The following GPBP1L1 variants were observed in gnomAD, a reference collection of about 807,000 sequenced individuals.
GPBP1L1 encodes the protein vasculin-like protein 1.
A neutral mutation model predicts 52.5 loss-of-function variants in GPBP1L1; 23 were observed. The observed-to-expected ratio is 0.44, with a 90% CI of 0.32 to 0.62. The LOEUF (loss-of-function observed/expected upper bound fraction) is 0.62. Ranked by LOEUF, GPBP1L1 falls within the 20% of genes least tolerant of loss-of-function variation. GPBP1L1 has a pLI of 0.06. For missense variants in GPBP1L1, 596 were observed against 579.3 expected, an observed-to-expected ratio of 1.03 and a Z score of -0.30; for synonymous variants, 243 against 203.1, an observed-to-expected ratio of 1.20 and a Z score of -1.67.
At chr1:45,670,689 C>G (rs1365869944) in intron 2 of GPBP1L1, among the ~76,000 whole-genome samples, 1 of 152,024 alleles carries the variant, frequency 6.6e-6, no homozygotes, top group Admixed American at 6.6e-5. Context: ...ATTTATACAG[C>G]CAGCTCTATC....
chr1:45,644,618 A>G (rs1276948207), intron 6 of GPBP1L1, among the ~76,000 whole-genome samples: 1 of 152,190 alleles, frequency 6.6e-6, no homozygotes, highest in African/African-American at 2.4e-5. Context: ...CTCCAAAAAC[A>G]ATCTCAGCTT....
chr1:45,683,691 CCT>C (rs1254194148), intron 2 of GPBP1L1, among the ~76,000 whole-genome samples: 18 of 148,326 alleles, frequency 1.2e-4, no homozygotes, highest in African/African-American at 4.5e-4. Flanking sequence ...TGCTTGAGTC[CCT>C]GAGTTCGAGA....
At chr1:45,638,738 G>A (rs1003263118) in intron 8 of GPBP1L1, among the ~76,000 whole-genome samples, 12 of 152,260 alleles carry the variant, frequency 7.9e-5, no homozygotes, top group Admixed American at 4.6e-4. Flanking sequence ...CCAGAAGTTC[G>A]AGACCAGCCT....
intron 8 of GPBP1L1, among the ~76,000 whole-genome samples, chr1:45,639,615 G>C (rs567306448): frequency 6.7e-6 from 1 of 150,128 alleles, no homozygotes; most frequent in Non-Finnish European, 1.5e-5. Flanking sequence ...GGCGGCTCAC[G>C]CCTGTAATCC....
intron 2 of GPBP1L1, among the ~76,000 whole-genome samples, chr1:45,662,789 C>T (rs556367414): frequency 3.9e-5 from 6 of 152,198 alleles, no homozygotes; most frequent in African/African-American, 1.2e-4. Flanking sequence ...CGGTGGCTCA[C>T]GCCTATAATC....
At chr1:45,659,004 T>C (rs771614020) in intron 4 of GPBP1L1, 24 bp downstream of exon 4, 1 of 1,483,918 alleles carries the variant, frequency 6.7e-7, no homozygotes, top group East Asian at 2.3e-5. Flanking sequence ...TTTGAGAAGT[T>C]ACTACAGGAA....
chr1:45,668,547 G>A (rs1645037571), intron 2 of GPBP1L1, among the ~76,000 whole-genome samples: 1 of 152,088 alleles, frequency 6.6e-6, no homozygotes, highest in Admixed American at 6.5e-5. Flanking sequence ...CTAGCTAGTT[G>A]GGCTGTTGAG....
intron 6 of GPBP1L1, chr1:45,651,632 T>C: frequency 1.5e-6 from 1 of 688,784 alleles, no homozygotes; most frequent in Non-Finnish European, 2.7e-6. Context: ...GATGGCTCTC[T>C]GCTGCTGCAA....
chr1:45,668,262 C>T (rs889277143), intron 2 of GPBP1L1, among the ~76,000 whole-genome samples: 6 of 152,110 alleles, frequency 3.9e-5, no homozygotes, highest in Admixed American at 1.3e-4. Flanking sequence ...AAAAGATATG[C>T]GCTGAAATAA....
rs376007391 is a variant in GPBP1L1 at position 45,642,284 on chromosome 1, C to A, written c.550+143G>T. 258 of 638,102 alleles carry A rather than the reference C, an allele frequency of 4.0e-4. 5 individuals carry two copies. In the Middle Eastern group the frequency reaches 7.9e-3, roughly 20 times the overall value. The allele number at this position is 638,102 out of a possible 1,614,324, so 39.5% of individuals were successfully genotyped here. ...GGCGGTGGGGTAGGGGGCAGAATAA[C>A]CCGCTACAGTCAGATGTTAGTTACC... is the stretch of plus-strand genomic sequence containing the variant. On this transcript the variant is annotated intron_variant, in intron 7 of 12. Transcript: ENST00000355105.
At chr1:45,674,814 C>T (rs1238549237) in intron 2 of GPBP1L1, among the ~76,000 whole-genome samples, 1 of 152,130 alleles carries the variant, frequency 6.6e-6, no homozygotes, top group South Asian at 2.1e-4. Flanking sequence ...TATGATGCTT[C>T]GTAGGTTAGG....
At chr1:45,651,295 C>T in intron 6 of GPBP1L1, 1 of 391,228 alleles carries the variant, frequency 2.6e-6, no homozygotes, top group Non-Finnish European at 4.9e-6. Context: ...AGTAAGGGAC[C>T]CCCATTTTAC....
At chr1:45,629,456 C>CAT in intron 12 of GPBP1L1, 120 bp downstream of exon 12, 1 of 88,166 alleles carries the variant, frequency 1.1e-5, no homozygotes. Flanking sequence ...TAAGGTAATC[C>CAT]CCCCCCCCCC....
At chr1:45,646,583 G>T (rs1213971706) in intron 6 of GPBP1L1, among the ~76,000 whole-genome samples, 1 of 150,176 alleles carries the variant, frequency 6.7e-6, no homozygotes, top group East Asian at 1.9e-4. Flanking sequence ...TTGAGACGGA[G>T]TCTCACTCTG....
At chr1:45,628,808 C>A (rs138673266) in intron 12 of GPBP1L1, among the ~76,000 whole-genome samples, 1 of 152,118 alleles carries the variant, frequency 6.6e-6, no homozygotes, top group Non-Finnish European at 1.5e-5. Flanking sequence ...GGATTACAGG[C>A]GCACACCACC....
chr1:45,651,431 G>A (rs770570551), intron 6 of GPBP1L1: 2 of 408,272 alleles, frequency 4.9e-6, no homozygotes, highest in Non-Finnish European at 9.1e-6. Flanking sequence ...AAGACAGGTG[G>A]TCTCTTACTG....
In GPBP1L1 at chr1:45,660,406, AAAAGGGGAAGGGGGG is replaced by A; in HGVS notation, c.-293_-279del. 1 of 982,028 alleles carries A rather than the reference AAAAGGGGAAGGGGGG, an allele frequency of 1.0e-6. No individual in the cohort carries two copies. Among genetic ancestry groups the A allele is most frequent in the Non-Finnish European group, 1.2e-6 (1 of 826,994 alleles). The allele number at this position is 982,028 out of a possible 1,614,324, so 60.8% of individuals were successfully genotyped here. ...ACACGTTTCCAAAAGGGGAAAGGGG[AAAAGGGGAAGGGGGG>A]AAGGGGAACATAAAAAGTATTTGTT... On this transcript the variant is annotated 5_prime_UTR_variant, in exon 3 of 13. Coordinates refer to ENST00000355105, the MANE Select transcript of GPBP1L1 (RefSeq NM_021639.5).
intron 10 of GPBP1L1, among the ~76,000 whole-genome samples, chr1:45,632,469 A>G (rs1644542572): frequency 6.6e-6 from 1 of 152,084 alleles, no homozygotes; most frequent in African/African-American, 2.4e-5. Context: ...TAATCCTAGC[A>G]CTTTGGGAGG....
chr1:45,666,388 C>T (rs1180118858), intron 2 of GPBP1L1, among the ~76,000 whole-genome samples: 5 of 152,096 alleles, frequency 3.3e-5, no homozygotes, highest in South Asian at 2.1e-4. Flanking sequence ...TCAGGTGATC[C>T]GCCCGCCTCG....
Sources: allele counts gnomAD v4.1 joint callset (sites outside exome capture counted in the v4.1 genomes callset), GRCh38; gene constraint gnomAD v4.1.1; transcripts MANE v1.5; gene names NCBI Gene and HGNC (gene_info 2026-07-23, HGNC 2026-07-21).